The following NBAS variants were observed in gnomAD, a reference collection of about 807,000 sequenced individuals.
The protein encoded by NBAS is NBAS subunit of NRZ tethering complex.
A neutral mutation model predicts 302.5 loss-of-function variants in NBAS; 219 were observed. The ratio of observed to expected loss-of-function variants is 0.72; its 90% CI spans 0.65 to 0.81. The LOEUF (loss-of-function observed/expected upper bound fraction) is 0.81. NBAS is among the 30% of genes least tolerant of loss of function. The probability of loss-of-function intolerance (pLI) is 0.00; values close to 1 mark genes in which losing one functional copy is unlikely to be tolerated. For synonymous variants in NBAS, 1,118 were observed against 1,021.6 expected, an observed-to-expected ratio of 1.09 and a Z score of -1.80; for missense variants, 2,932 against 2,841.6, an observed-to-expected ratio of 1.03 and a Z score of -0.72.
rs572246058 is a variant in NBAS, at chr2:15,239,329, ATGTG to A, written c.5725-647_5725-644del. On this transcript the variant is annotated intron_variant, in intron 44 of 51. Coordinates refer to ENST00000281513, the MANE Select transcript of NBAS (RefSeq NM_015909.4). ...ATGTATTTTATGTATTTTCTATTTT[ATGTG>A]TGTGTGTATGTGTGCATTTATATAT... is the stretch of plus-strand genomic sequence containing the variant. 3.1e-3 allele frequency among the ~76,000 whole-genome samples: 468 copies of A among 150,714 alleles called. 3 individuals carry two copies. Among genetic ancestry groups the A allele is most frequent in the African/African-American group, 0.01 (427 of 41,116 alleles).
the NBAS span, among the ~76,000 whole-genome samples, chr2:15,106,569 C>T: frequency 1.1e-4 from 16 of 152,136 alleles, no homozygotes; most frequent in South Asian, 3.3e-3. Context: ...AACTCCACCG[C>T]TTCCAAAAAC....
chr2:15,488,036 G>T (rs1680705696), intron 12 of NBAS, among the ~76,000 whole-genome samples: 1 of 152,152 alleles, frequency 6.6e-6, no homozygotes, highest in South Asian at 2.1e-4. Context: ...GTCATTCTGA[G>T]AAAAATTCCT....
At chr2:15,304,017 G>T (rs1558517971) in intron 40 of NBAS, among the ~76,000 whole-genome samples, 1 of 152,188 alleles carries the variant, frequency 6.6e-6, no homozygotes, top group Non-Finnish European at 1.5e-5. Flanking sequence ...CAGAAGCAGG[G>T]TGTGGCACAT....
intron 16 of NBAS, among the ~76,000 whole-genome samples, chr2:15,469,796 A>G (rs899927095): frequency 7.6e-6 from 1 of 130,808 alleles, no homozygotes; most frequent in Admixed American, 9.6e-5. Context: ...ATGAGAACAC[A>G]TGGACACAGG....
chr2:15,524,722 C>T (rs1662839328), intron 9 of NBAS, among the ~76,000 whole-genome samples: 1 of 152,056 alleles, frequency 6.6e-6, no homozygotes, highest in African/African-American at 2.4e-5. Context: ...TTAAATCTCC[C>T]AGAGCTTAGC....
the NBAS span, among the ~76,000 whole-genome samples, chr2:15,015,484 T>C: frequency 6.6e-6 from 1 of 152,200 alleles, no homozygotes; most frequent in African/African-American, 2.4e-5. Context: ...TGGTTCAACA[T>C]ATGCAAATCA....
At chr2:14,785,524 C>T in the NBAS span, among the ~76,000 whole-genome samples, 361 of 152,238 alleles carry the variant, frequency 2.4e-3, 3 homozygotes, top group African/African-American at 7.7e-3. Flanking sequence ...GAGTTTTTAG[C>T]ATGAAGGGCT....
chr2:15,318,519 A>G (rs1298942299), intron 38 of NBAS, among the ~76,000 whole-genome samples: 2 of 152,194 alleles, frequency 1.3e-5, no homozygotes, highest in East Asian at 3.8e-4. Flanking sequence ...GTGTAGAGTC[A>G]TACATAGCCT....
the NBAS span, among the ~76,000 whole-genome samples, chr2:14,888,978 G>T: frequency 6.6e-6 from 1 of 152,302 alleles, no homozygotes; most frequent in East Asian, 1.9e-4. Context: ...GCGGGCCTGT[G>T]CCTGGGCTGT....
the NBAS span, among the ~76,000 whole-genome samples, chr2:15,033,035 C>T: frequency 2.0e-5 from 3 of 152,214 alleles, no homozygotes; most frequent in Non-Finnish European, 4.4e-5. Flanking sequence ...TACTATCCAG[C>T]AGAACCCTGG....
In NBAS at chr2:15,353,572, C is replaced by T. The variant is rs1199205096; in HGVS notation, c.4070G>A (p.Ser1357Asn). The T allele has an allele frequency of 6.2e-7, 1 of 1,613,886 alleles. No homozygotes were observed. The highest frequency in any genetic ancestry group is 8.5e-7 in the Non-Finnish European group (1 of 1,179,942). Residue 1357 changes from serine to asparagine, a missense_variant, in exon 34 of 52, where the codon AGC becomes AAC. By Grantham distance (46) the Ser-to-Asn change is conservative. Coordinates refer to ENST00000281513, the MANE Select transcript of NBAS (RefSeq NM_015909.4). ...ACTTACTTCTGTCTGCAGAGAGCTG[C>T]TAGCTGCCAAAAGAAGTTCAATGCT... The part of the protein sequence containing the change: ...PSSIELLLAA[S>N]SSLQTEILYQ...
In NBAS at chr2:15,353,611, T is replaced by A. The variant is rs201325677; in HGVS notation, c.4031A>T (p.His1344Leu). 5.7e-5 allele frequency: 92 copies of A among 1,613,954 alleles called. No homozygotes were observed. The highest frequency in any genetic ancestry group is 7.6e-5 in the Non-Finnish European group (90 of 1,179,974). The change falls in exon 34 of 52, where the codon CAT becomes CTT. Residue 1344 changes from histidine (H) to leucine (L), a missense_variant. By Grantham distance (99) the His-to-Leu change is moderately conservative (BLOSUM62 -3). Coordinates refer to ENST00000281513, the MANE Select transcript of NBAS (RefSeq NM_015909.4). The stretch of plus-strand genomic sequence containing the variant: ...AAGTTCAATGCTGCTAGGAGGGCAA[T>A]GTGTCAAAGCAAAAGCCATGAGCTC... The part of the protein sequence containing the change: ...RQELMAFALT[H>L]CPPSSIELLL...
intron 21 of NBAS, among the ~76,000 whole-genome samples, chr2:15,440,250 G>C (rs563769166): frequency 6.8e-4 from 104 of 152,330 alleles, no homozygotes; most frequent in African/African-American, 2.4e-3. Flanking sequence ...CTAACTGGGA[G>C]ACAGCCCCCA....
chr2:14,839,035 G>A, the NBAS span, among the ~76,000 whole-genome samples: 1 of 152,016 alleles, frequency 6.6e-6, no homozygotes, highest in East Asian at 1.9e-4. Context: ...AAGGGCACAT[G>A]TGAGGACTTC....
chr2:14,813,016 T>C, the NBAS span, among the ~76,000 whole-genome samples: 1 of 152,160 alleles, frequency 6.6e-6, no homozygotes, highest in Non-Finnish European at 1.5e-5. Flanking sequence ...TATGAAGACG[T>C]GCTTGCCTCC....
At chr2:15,342,402 G>C (rs1483557128) in intron 35 of NBAS, among the ~76,000 whole-genome samples, 1 of 151,862 alleles carries the variant, frequency 6.6e-6, no homozygotes, top group Non-Finnish European at 1.5e-5. Context: ...GAATCACAAG[G>C]GCAGATTCAA....
the NBAS span, among the ~76,000 whole-genome samples, chr2:14,886,961 T>C: frequency 6.6e-6 from 1 of 152,346 alleles, no homozygotes; most frequent in African/African-American, 2.4e-5. Flanking sequence ...CCTTGTTTTA[T>C]GTGAAGTAAA....
rs566727615 is a variant in NBAS, at chr2:15,288,298, C to A, written c.5028-1115G>T. 1.1e-4 allele frequency among the ~76,000 whole-genome samples: 17 copies of A among 152,274 alleles called. 1 individual carries two copies. The East Asian group carries it at 3.3e-3, about 29-fold the overall frequency. ...CTAGTGGAAGACAGGAAATGTGAAC[C>A]AGCAATTAAATATAGCGGTGGTAGA... On this transcript the variant is annotated intron_variant, in intron 41 of 51. Transcript: ENST00000281513.
intron 17 of NBAS, 94 bp downstream of exon 17, chr2:15,468,288 T>C: frequency 6.8e-7 from 1 of 1,461,114 alleles, no homozygotes; most frequent in Non-Finnish European, 9.6e-7. Context: ...ACAGAATAAC[T>C]TAAATAAAGA....
Sources: gnomAD v4.1 joint callset for allele counts (sites outside exome capture counted in the v4.1 genomes callset) on GRCh38, gnomAD v4.1.1 for gene constraint, MANE v1.5 for transcripts, NCBI Gene and HGNC (gene_info 2026-07-23, HGNC 2026-07-21) for gene names.